Variants in CNTNAP3B observed in about 807,000 individuals in gnomAD.
CNTNAP3B encodes the protein contactin-associated protein-like 3B.
In CNTNAP3B, 25 loss-of-function variants were observed where a neutral mutation model predicts 108.9. That is an observed-to-expected ratio of 0.23 (90% confidence interval 0.17 to 0.32). The LOEUF (loss-of-function observed/expected upper bound fraction) is 0.32, where lower values mean the gene tolerates loss of function less well. CNTNAP3B is among the 10% of genes least tolerant of loss of function. The pLI is 1.00. For synonymous variants in CNTNAP3B, 103 were observed against 473.4 expected (o/e 0.22, Z 10.16); for missense variants, 252 against 1,210.4 (o/e 0.21, Z 11.75).
At chr9:41,950,108 C>T (rs1287444975) in intron 13 of CNTNAP3B, among the ~76,000 whole-genome samples, 3 of 104,426 alleles carry the variant, frequency 2.9e-5, no homozygotes, top group African/African-American at 3.6e-5. Flanking sequence ...TCACTGAAAA[C>T]GATATACAGA....
intron 2 of CNTNAP3B, among the ~76,000 whole-genome samples, chr9:42,103,122 A>T (rs1323288971): frequency 8.1e-6 from 1 of 122,802 alleles, no homozygotes; most frequent in Non-Finnish European, 1.6e-5. Context: ...ATGGCTTGAG[A>T]TTGCTCTTGT....
chr9:41,938,673 T>A (rs1357462574), intron 13 of CNTNAP3B, among the ~76,000 whole-genome samples: 11 of 152,278 alleles, frequency 7.2e-5, no homozygotes. Flanking sequence ...ACATACTTTC[T>A]ATAGAAATAA....
chr9:42,087,126 T>TA (rs1395719400), intron 2 of CNTNAP3B, among the ~76,000 whole-genome samples: 2 of 142,316 alleles, frequency 1.4e-5, no homozygotes, highest in Non-Finnish European at 3.1e-5. Flanking sequence ...TACTACTACA[T>TA]AAAAAAGAAT....
rs74431403 is a variant in CNTNAP3B, at chr9:42,030,792, C to T, written c.391-17267G>A. On this transcript the variant is annotated intron_variant, in intron 3 of 23. Transcript: ENST00000377561. ...AGAGAGAGAGAGAGAGAGATGTGTG[C>T]GAGAGAGAGAGAGAGAGAGAGGAGA... Among the ~76,000 whole-genome samples, 48 of 42,016 alleles carry T rather than the reference C, an allele frequency of 1.1e-3. 1 individual carries two copies. In the East Asian group the frequency reaches 0.031, roughly 27 times the overall value. 27.6% of individuals were successfully genotyped at this position (42,016 alleles called of 152,430 possible).
chr9:42,127,013 C>T lies in CNTNAP3B; in HGVS notation c.85+1997G>A, dbSNP rs549382852. ...CATGAGAAGGAAACTTTTAGATGTC[C>T]TTATTGACTTTCTTCTTGGTATTGA... On this transcript the variant is annotated intron_variant, in intron 1 of 23. Coordinates refer to ENST00000377561, the MANE Select transcript of CNTNAP3B (RefSeq NM_001201380.3). Among the ~76,000 whole-genome samples, 638 of 138,652 alleles carry T rather than the reference C, an allele frequency of 4.6e-3. 103 individuals carry two copies. The highest frequency in any genetic ancestry group is 0.01 in the Middle Eastern group (3 of 290). 91.0% of individuals were successfully genotyped at this position (138,652 alleles called of 152,430 possible). A position where few individuals can be genotyped will look rare whatever the true frequency, so the allele number is the denominator to read the frequency against.
At chr9:42,120,855 G>A (rs1828446249) in intron 1 of CNTNAP3B, among the ~76,000 whole-genome samples, 1 of 132,018 alleles carries the variant, frequency 7.6e-6, no homozygotes, top group Non-Finnish European at 1.6e-5. Flanking sequence ...ATAGCATTAG[G>A]AGATATACCT....
intron 7 of CNTNAP3B, chr9:41,994,018 T>G (rs1159368229): frequency 7.0e-6 from 1 of 141,850 alleles, no homozygotes; most frequent in Non-Finnish European, 1.5e-5. Context: ...TTATTGGCTA[T>G]ACTCAATAAT....
At chr9:41,964,350 T>G (rs1825198774) in intron 11 of CNTNAP3B, among the ~76,000 whole-genome samples, 188 bp downstream of exon 11, 2 of 152,268 alleles carry the variant, frequency 1.3e-5, no homozygotes, top group Non-Finnish European at 2.9e-5. Flanking sequence ...GTACCACGTA[T>G]TTCTGTGCAC....
At chr9:42,053,937 T>C (rs1250688307) in intron 3 of CNTNAP3B, among the ~76,000 whole-genome samples, 3 of 151,334 alleles carry the variant, frequency 2.0e-5, no homozygotes, top group Admixed American at 6.6e-5. Flanking sequence ...TATTGATGCA[T>C]TTTCCCCTTC....
chr9:41,979,737 G>T (rs1432378804), intron 9 of CNTNAP3B: 1 of 78,268 alleles, frequency 1.3e-5, no homozygotes, highest in African/African-American at 4.7e-5. Context: ...CTGCCATCAT[G>T]CCCGGCTAAA....
intron 13 of CNTNAP3B, among the ~76,000 whole-genome samples, chr9:41,943,552 C>T (rs1824429838): frequency 1.3e-5 from 2 of 151,572 alleles, no homozygotes; most frequent in African/African-American, 4.9e-5. Context: ...CGTGGTTTCC[C>T]CGTGGTAGCC....
chr9:41,934,130 CATATATATAT>C (rs1253743490), intron 14 of CNTNAP3B, among the ~76,000 whole-genome samples: 5 of 116,500 alleles, frequency 4.3e-5, no homozygotes, highest in African/African-American at 1.7e-4. Context: ...TATACACACA[CATATATATAT>C]ACACACACAT....
chr9:41,926,213 C>T (rs1222061582), intron 15 of CNTNAP3B, among the ~76,000 whole-genome samples: 3 of 152,276 alleles, frequency 2.0e-5, no homozygotes, highest in Admixed American at 6.5e-5. Flanking sequence ...CACTCCTATG[C>T]TCCTCACTTT....
chr9:41,933,478 T>A (rs1368512410), intron 14 of CNTNAP3B, among the ~76,000 whole-genome samples: 1 of 152,234 alleles, frequency 6.6e-6, no homozygotes, highest in South Asian at 2.1e-4. Context: ...AGTTTTGTAA[T>A]TTTTTCCATA....
chr9:42,110,505 C>A lies in CNTNAP3B; in HGVS notation c.86-5766G>T, dbSNP rs1828174263. Among the ~76,000 whole-genome samples the A allele has an allele frequency of 1.6e-5, 2 of 126,488 alleles. 1 individual carries two copies. Among genetic ancestry groups the A allele is most frequent in the Admixed American group, 1.6e-4 (2 of 12,364 alleles). The allele number at this position is 126,488 out of a possible 152,430, so 83.0% of individuals were successfully genotyped here. On this transcript the variant is annotated intron_variant, in intron 1 of 23. Transcript: ENST00000377561. ...TCAACAGATGGTTACTGTGTTATCA[C>A]AGATGTACAGAAAACCTCTTTGTTC... is the stretch of plus-strand genomic sequence containing the variant.
At chr9:41,964,478 T>G in intron 11 of CNTNAP3B, 60 bp downstream of exon 11, 7 of 1,408,970 alleles carry the variant, frequency 5.0e-6, no homozygotes, top group Non-Finnish European at 5.7e-6. Flanking sequence ...TATAAACAAC[T>G]AATCAAAATG....
intron 18 of CNTNAP3B, among the ~76,000 whole-genome samples, chr9:41,917,442 T>A (rs530729728): frequency 0.015 from 2,158 of 141,494 alleles, 48 homozygotes; most frequent in Non-Finnish European, 0.024. Context: ...TGGGGAGGGC[T>A]ACCAAGCTGT....
intron 14 of CNTNAP3B, among the ~76,000 whole-genome samples, chr9:41,933,514 C>G (rs1474843551): frequency 5.3e-5 from 8 of 152,378 alleles, no homozygotes; most frequent in East Asian, 3.9e-4. Context: ...TTCCACAGAA[C>G]TTTACATTTT....
intron 13 of CNTNAP3B, among the ~76,000 whole-genome samples, chr9:41,944,214 A>G (rs1824453604): frequency 6.7e-6 from 1 of 148,524 alleles, no homozygotes; most frequent in Non-Finnish European, 1.5e-5. Flanking sequence ...AAAGAAAAAC[A>G]ATATAGGTCA....
Sources: allele counts gnomAD v4.1 joint callset (sites outside exome capture counted in the v4.1 genomes callset), GRCh38; gene constraint gnomAD v4.1.1; transcripts MANE v1.5; gene names NCBI Gene and HGNC (gene_info 2026-07-23, HGNC 2026-07-21).